CHKA: variants seen among roughly 807,000 people sequenced by gnomAD.
The protein encoded by CHKA is choline kinase alpha, also known as CHETK-alpha.
A neutral mutation model predicts 60.1 loss-of-function variants in CHKA; 34 were observed. The ratio of observed to expected loss-of-function variants is 0.57; its 90% confidence interval spans 0.43 to 0.75. The LOEUF (loss-of-function observed/expected upper bound fraction) is 0.75. Ranked by LOEUF, CHKA falls within the 30% of genes least tolerant of loss-of-function variation. The pLI is 0.00. For missense variants in CHKA, 563 were observed against 561.3 expected, an observed-to-expected ratio of 1.00 and a Z score of -0.03; for synonymous variants, 217 against 223.1, an observed-to-expected ratio of 0.97 and a Z score of 0.24.
chr11:68,093,007 G>GTTTTTTTTTTTTTTTTTTT (rs34534250), intron 2 of CHKA, among the ~76,000 whole-genome samples: 3 of 139,782 alleles, frequency 2.1e-5, no homozygotes, highest in Non-Finnish European at 3.1e-5. Context: ...TTTTTTTTGG[G>GTTTTTTTTTTTTTTTTTTT]TTTTTTTTTT....
intron 1 of CHKA, among the ~76,000 whole-genome samples, chr11:68,099,766 C>T (rs1362555832): frequency 6.6e-6 from 1 of 152,222 alleles, no homozygotes; most frequent in Non-Finnish European, 1.5e-5. Context: ...CCTAGTTTTT[C>T]TTCCGGTCAC....
At chr11:68,065,984 G>A (rs965691944) in intron 8 of CHKA, 90 bp from the exon 9 acceptor site, 9 of 866,628 alleles carry the variant, frequency 1.0e-5, no homozygotes, top group African/African-American at 1.7e-5. Flanking sequence ...GCTGAGTTCC[G>A]AGCACGCCAC....
At chr11:68,093,439 C>T (rs1415394032) in intron 2 of CHKA, among the ~76,000 whole-genome samples, 1 of 152,114 alleles carries the variant, frequency 6.6e-6, no homozygotes, top group Non-Finnish European at 1.5e-5. Flanking sequence ...GTACCTCCTC[C>T]CCCCAAATTG....
In CHKA at chr11:68,066,465, A is replaced by C; in HGVS notation, c.980T>G (p.Met327Arg). 1 of 1,614,192 alleles carries C rather than the reference A, an allele frequency of 6.2e-7. No homozygotes were observed. Among genetic ancestry groups the C allele is most frequent in the East Asian group, 2.2e-5 (1 of 44,886 alleles). The change falls in exon 8 of 12, where the codon ATG (methionine) becomes AGG (arginine). Residue 327 changes from methionine (M) to arginine (R), a missense_variant. Physicochemically the swap from Met to Arg is moderately conservative, Grantham distance 91. Transcript: ENST00000265689. ...GRENSEKQKL[M>R]LIDFEYSSYN... is the part of the protein sequence containing the mutation. The stretch of plus-strand genomic sequence containing the variant: ...ACTGCTGTATTCGAAATCAATGAGC[A>C]TCAGTTTCTGTTTTTCAGAATTCTC...
intron 3 of CHKA, among the ~76,000 whole-genome samples, chr11:68,075,372 T>C (rs1856752677): frequency 6.6e-6 from 1 of 151,992 alleles, no homozygotes; most frequent in African/African-American, 2.4e-5. Flanking sequence ...TGGAGCATCC[T>C]AGATTGCTAT....
intron 11 of CHKA, among the ~76,000 whole-genome samples, chr11:68,056,101 T>C (rs1327931711): frequency 2.6e-5 from 4 of 152,226 alleles, no homozygotes; most frequent in Non-Finnish European, 4.4e-5. Context: ...TTATGAGTTC[T>C]TTATATATCC....
chr11:68,093,773 A>G (rs1323347864), intron 2 of CHKA, among the ~76,000 whole-genome samples: 1 of 152,240 alleles, frequency 6.6e-6, no homozygotes, highest in Non-Finnish European at 1.5e-5. Flanking sequence ...TGACTCATAT[A>G]ATAAACCAGA....
chr11:68,096,747 T>C (rs974723852), intron 2 of CHKA, among the ~76,000 whole-genome samples: 2 of 152,190 alleles, frequency 1.3e-5, no homozygotes, highest in African/African-American at 2.4e-5. Context: ...TCAAGCACTA[T>C]TGAAGATTTA....
At chr11:68,101,237 C>T (rs1857710382) in intron 1 of CHKA, among the ~76,000 whole-genome samples, 1 of 151,988 alleles carries the variant, frequency 6.6e-6, no homozygotes, top group Non-Finnish European at 1.5e-5. Flanking sequence ...CGTGAGCCAC[C>T]ACGCTGGTCC....
chr11:68,114,119 T>C lies in CHKA; in HGVS notation c.350+6709A>G, dbSNP rs140868243. ...AATAACAGGAAATCTCATTCACTGC[T>C]GGTAGGAATGCAAAATGTTACAGCT... On this transcript the variant is annotated intron_variant, in intron 1 of 11. Transcript: ENST00000265689. Among the ~76,000 whole-genome samples, 121 of 152,330 alleles carry C rather than the reference T, an allele frequency of 7.9e-4. 2 individuals carry two copies. The Middle Eastern group carries it at 0.01, about 13-fold the overall frequency.
intron 2 of CHKA, among the ~76,000 whole-genome samples, chr11:68,084,924 A>C (rs1590858453): frequency 6.6e-6 from 1 of 152,136 alleles, no homozygotes; most frequent in Non-Finnish European, 1.5e-5. Context: ...TAAACATTGA[A>C]ATTTCAAGAC....
At chr11:68,068,728 T>C in intron 7 of CHKA, 151 bp downstream of exon 7, 1 of 569,104 alleles carries the variant, frequency 1.8e-6, no homozygotes, top group Non-Finnish European at 3.2e-6. Flanking sequence ...TCATACTCTA[T>C]AAAAATAATA....
At chr11:68,119,719 T>C (rs1644968245) in intron 1 of CHKA, among the ~76,000 whole-genome samples, 1 of 151,974 alleles carries the variant, frequency 6.6e-6, no homozygotes, top group Admixed American at 6.6e-5. Flanking sequence ...CCGCCCACCT[T>C]GGCCTCCCAA....
At chr11:68,085,290 T>C (rs560366233) in intron 2 of CHKA, among the ~76,000 whole-genome samples, 4 of 151,984 alleles carry the variant, frequency 2.6e-5, no homozygotes, top group Non-Finnish European at 5.9e-5. Flanking sequence ...GTGGCAGGAA[T>C]AGGGCTCACT....
chr11:68,081,821 T>C (rs1856998579), intron 2 of CHKA: 2 of 175,778 alleles, frequency 1.1e-5, no homozygotes, highest in South Asian at 2.8e-4. Context: ...CTCTCACCAA[T>C]TTAGCTACGT....
At chr11:68,064,407 C>CAA (rs776074281) in intron 10 of CHKA, 118 bp downstream of exon 10, 435 of 420,040 alleles carry the variant, frequency 1.0e-3, no homozygotes, top group Middle Eastern at 2.6e-3. Flanking sequence ...GACTCTGTCT[C>CAA]AAAAAAAAAA....
Position 68,066,437 on chromosome 11 carries a change from G to GT in CHKA, c.1007dup (p.Tyr336Ter). The GT allele has an allele frequency of 6.2e-7, 1 of 1,611,472 alleles. No individual in the cohort carries two copies. The highest frequency in any genetic ancestry group is 8.5e-7 in the Non-Finnish European group (1 of 1,177,540). ...LMLIDFEYSS[Y>*]NYRGFDIGNH... ...GGACTGTAACACAGTACCTGTAATT[G>GT]TAACTGCTGTATTCGAAATCAATGA... Residue 336 changes from tyrosine (Y) to a stop codon, truncating the protein, a stop_gained and frameshift_variant, in exon 8 of 12, where the codon TAC becomes TAAC. Transcript: ENST00000265689. LOFTEE classifies it high-confidence loss of function.
intron 1 of CHKA, among the ~76,000 whole-genome samples, chr11:68,097,357 G>A (rs879840144): frequency 2.6e-5 from 4 of 152,110 alleles, no homozygotes; most frequent in East Asian, 3.9e-4. Context: ...CGTGTGGGCC[G>A]GGCACGGTGG....
At chr11:68,101,666 AAAAG>A (rs1857731235) in intron 1 of CHKA, among the ~76,000 whole-genome samples, 1 of 152,002 alleles carries the variant, frequency 6.6e-6, no homozygotes, top group Non-Finnish European at 1.5e-5. Context: ...AAAAAAAAAG[AAAAG>A]AAAAAGAAAG....
Sources: allele counts gnomAD v4.1 joint callset (sites outside exome capture counted in the v4.1 genomes callset), GRCh38; gene constraint gnomAD v4.1.1; transcripts MANE v1.5; gene names NCBI Gene and HGNC (gene_info 2026-07-23, HGNC 2026-07-21).